Variants in PCDHGB2 observed in about 807,000 individuals in gnomAD.
PCDHGB2 encodes the protein protocadherin gamma-B2.
A neutral mutation model predicts 59.3 loss-of-function variants in PCDHGB2; 55 were observed. That is an observed-to-expected ratio of 0.93 (90% CI 0.75 to 1.16). PCDHGB2 has a LOEUF of 1.16. PCDHGB2 is among the 50% of genes most tolerant of loss of function. The probability of loss-of-function intolerance (pLI) is 0.00; values close to 1 mark genes in which losing one functional copy is unlikely to be tolerated. For synonymous variants in PCDHGB2, 516 were observed against 512.0 expected (o/e 1.01, Z -0.11); for missense variants, 1,228 against 1,198.5 (o/e 1.02, Z -0.36).
rs1562129544 is a variant in PCDHGB2 at position 141,489,362 on chromosome 5, C to G, written c.2422-5445C>G. ...TACTCAGTGGTGGAGGAGTCTGAGC[C>G]GGGGACGCTGGTGGGGAATGTTGCT... On this transcript the variant is annotated intron_variant, in intron 1 of 3. Transcript: ENST00000522605. This position sits in a 1 kb window ranked among gnomAD's most constrained non-coding sequence, Gnocchi z 4.5. 6.2e-7 allele frequency: 1 copy of G among 1,613,052 alleles called. No individual in the cohort carries two copies. Among genetic ancestry groups the G allele is most frequent in the Non-Finnish European group, 8.5e-7 (1 of 1,179,268 alleles).
intron 1 of PCDHGB2, among the ~76,000 whole-genome samples, chr5:141,382,012 A>G (rs1777864214): frequency 6.6e-6 from 1 of 151,520 alleles, no homozygotes; most frequent in Admixed American, 6.6e-5. Flanking sequence ...TATTTTTAGT[A>G]GAGACGGGGT....
At chr5:141,464,131 G>C (rs982496493) in intron 1 of PCDHGB2, among the ~76,000 whole-genome samples, 19 of 152,056 alleles carry the variant, frequency 1.2e-4, no homozygotes, top group Admixed American at 2.0e-4. Flanking sequence ...TGGGTGTGGT[G>C]GTGGGCGCCT....
chr5:141,393,532 C>T (rs1411410420), intron 1 of PCDHGB2: 5 of 1,613,886 alleles, frequency 3.1e-6, no homozygotes, highest in African/African-American at 2.7e-5. Flanking sequence ...GACAATGCCC[C>T]GGTTTTTCCT....
chr5:141,380,340 TG>T (rs1383873697), intron 1 of PCDHGB2, among the ~76,000 whole-genome samples: 2 of 152,164 alleles, frequency 1.3e-5, no homozygotes, highest in Non-Finnish European at 2.9e-5. Flanking sequence ...TTCAAAGAAC[TG>T]TTTTGTTGTT....
At chr5:141,402,202 A>G (rs1223519214) in intron 1 of PCDHGB2, among the ~76,000 whole-genome samples, 1 of 152,138 alleles carries the variant, frequency 6.6e-6, no homozygotes. Flanking sequence ...CTTTTATAAT[A>G]CAAAAATTTA....
intron 1 of PCDHGB2, chr5:141,413,736 G>C: frequency 6.2e-7 from 1 of 1,613,452 alleles, no homozygotes; most frequent in South Asian, 1.1e-5. Context: ...TAAGAGTTCA[G>C]AGCCGTGCCA....
At position 141,491,305 on chromosome 5, in the gene PCDHGB2, G is replaced by T. The variant is rs1461861151; in HGVS notation, c.2422-3502G>T. 6.2e-7 allele frequency: 1 copy of T among 1,614,176 alleles called. No homozygotes were observed. Among genetic ancestry groups the T allele is most frequent in the African/African-American group, 1.3e-5 (1 of 75,048 alleles). ...CCTCATACACCCTCCTGAGCGTTCA[G>T]ACCTTACCCTTTACCTCATTGTGGC... On this transcript the variant is annotated intron_variant, in intron 1 of 3. Coordinates refer to ENST00000522605, the MANE Select transcript of PCDHGB2 (RefSeq NM_018923.3). This position sits in a 1 kb window ranked among gnomAD's most constrained non-coding sequence, Gnocchi z 6.9.
At chr5:141,422,729 C>G (rs1352451042) in intron 1 of PCDHGB2, 1 of 1,606,960 alleles carries the variant, frequency 6.2e-7, no homozygotes, top group South Asian at 1.1e-5. Flanking sequence ...CAGGGGGTGC[C>G]TCTGTCCTCC....
intron 1 of PCDHGB2, chr5:141,404,445 G>GT: frequency 6.2e-7 from 1 of 1,613,280 alleles, no homozygotes; most frequent in Non-Finnish European, 8.5e-7. Context: ...ACCATCCAAG[G>GT]GTCTCCTCTC....
chr5:141,374,327 G>T (rs766746841), intron 1 of PCDHGB2: 3 of 1,613,866 alleles, frequency 1.9e-6, no homozygotes, highest in Non-Finnish European at 2.5e-6. Context: ...TCCGCGAAAC[G>T]GCAGCTTGGT....
intron 1 of PCDHGB2, chr5:141,383,994 C>T: frequency 6.2e-7 from 1 of 1,613,758 alleles, no homozygotes. Flanking sequence ...TTGGGACAGT[C>T]ATTGCTCTTT....
intron 1 of PCDHGB2, chr5:141,424,500 G>A (rs2154550788): frequency 6.6e-6 from 1 of 152,208 alleles, no homozygotes; most frequent in African/African-American, 2.4e-5. Flanking sequence ...TGTATGTATG[G>A]AAGGTTTTTT....
At chr5:141,465,905 G>C (rs938438286) in intron 1 of PCDHGB2, among the ~76,000 whole-genome samples, 8 of 151,958 alleles carry the variant, frequency 5.3e-5, no homozygotes, top group Non-Finnish European at 8.8e-5. Context: ...GGCAAATCAC[G>C]AGGTCAGGAT....
In PCDHGB2 at chr5:141,477,767, A is replaced by G. The variant is rs1178354274; in HGVS notation, c.2422-17040A>G. 6.2e-7 allele frequency: 1 copy of G among 1,613,906 alleles called. No homozygotes were observed. The highest frequency in any genetic ancestry group is 8.5e-7 in the Non-Finnish European group (1 of 1,180,038). On this transcript the variant is annotated intron_variant, in intron 1 of 3. Coordinates refer to ENST00000522605, the MANE Select transcript of PCDHGB2 (RefSeq NM_018923.3). The surrounding 1 kb of genome is among the most constrained non-coding windows in gnomAD (Gnocchi z 4.9). ...GGGCACCCCGGTCCTAGCCACCAAC[A>G]TCAGCGTGAACATATTTGTCACTGA...
intron 1 of PCDHGB2, chr5:141,405,363 C>G (rs765508317): frequency 5.0e-6 from 8 of 1,613,808 alleles, no homozygotes; most frequent in Non-Finnish European, 6.8e-6. Context: ...ATAGAAGACA[C>G]CCCTTTGGTT....
chr5:141,441,280 G>A (rs2098237221), intron 1 of PCDHGB2: 1 of 152,090 alleles, frequency 6.6e-6, no homozygotes, highest in East Asian at 1.9e-4. Flanking sequence ...GGGAGAAAAC[G>A]AGGTCACATG....
chr5:141,399,173 T>C, intron 1 of PCDHGB2: 1 of 1,613,830 alleles, frequency 6.2e-7, no homozygotes, highest in East Asian at 2.2e-5. Context: ...CATTCTCTAC[T>C]TGAAATGATT....
Position 141,476,949 on chromosome 5 carries a change from A to G in PCDHGB2, c.2422-17858A>G. The stretch of plus-strand genomic sequence containing the variant: ...GATCTGGATGAAGGCCCCAACGGTG[A>G]AATTATTTACTCCTTCGGCAGCCAC... On this transcript the variant is annotated intron_variant, in intron 1 of 3. Transcript: ENST00000522605. The surrounding 1 kb of genome is among the most constrained non-coding windows in gnomAD (Gnocchi z 7.6). 6.2e-7 allele frequency: 1 copy of G among 1,614,200 alleles called. No individual in the cohort carries two copies. Among genetic ancestry groups the G allele is most frequent in the Admixed American group, 1.7e-5 (1 of 60,038 alleles).
intron 1 of PCDHGB2, chr5:141,377,955 G>GTTT (rs1774497186): frequency 6.6e-6 from 1 of 152,022 alleles, no homozygotes; most frequent in African/African-American, 2.4e-5. Context: ...GTGTATCCAG[G>GTTT]GCAACTTGAA....
Sources: gnomAD v4.1 joint callset for allele counts (sites outside exome capture counted in the v4.1 genomes callset) on GRCh38, gnomAD v4.1.1 for gene constraint, Gnocchi (gnomAD v3.1) non-coding constraint, MANE v1.5 for transcripts, NCBI Gene and HGNC (gene_info 2026-07-23, HGNC 2026-07-21) for gene names.